WBP2NL: variants seen among roughly 807,000 people sequenced by gnomAD.
WBP2NL encodes WBP2 N-terminal like.
A neutral mutation model predicts 23.3 loss-of-function variants in WBP2NL; 27 were observed. The ratio of observed to expected loss-of-function variants is 1.16; its 90% CI spans 0.85 to 1.60. WBP2NL has a LOEUF of 1.60. Among genes scored for constraint, WBP2NL ranks in the 40% most tolerant of loss-of-function variants. The pLI is 0.00. For missense variants in WBP2NL, 370 were observed against 389.5 expected (o/e 0.95, Z 0.42); for synonymous variants, 151 against 145.9 (o/e 1.03, Z -0.25).
chr22:42,009,635 A>G (rs976187337), intron 1 of WBP2NL, among the ~76,000 whole-genome samples: 14 of 152,196 alleles, frequency 9.2e-5, no homozygotes, highest in African/African-American at 2.9e-4. Context: ...ATTCTCACAT[A>G]TATGTGAAGA....
rs1382421844 is a variant in WBP2NL at position 42,006,797 on chromosome 22, T to C, written c.62+7917T>C. Among the ~76,000 whole-genome samples the C allele has an allele frequency of 2.6e-5, 4 of 152,242 alleles. No individual in the cohort carries two copies. The East Asian group carries it at 7.7e-4, about 29-fold the overall frequency. Reference sequence around the variant, plus strand: ...TTTGACTCCTCTTGCCTATTCACAATACACAGTTGAGAAATTGATCACAGC... The same window carrying C: ...TTTGACTCCTCTTGCCTATTCACAACACACAGTTGAGAAATTGATCACAGC... On this transcript the variant is annotated intron_variant, in intron 1 of 5. Transcript: ENST00000328823.
intron 1 of WBP2NL, among the ~76,000 whole-genome samples, chr22:41,999,146 T>C (rs1447436489): frequency 6.9e-6 from 1 of 145,746 alleles, no homozygotes; most frequent in African/African-American, 2.5e-5. Flanking sequence ...CAGACGCATG[T>C]CTCCTCAGGG....
At chr22:42,022,515 A>G (rs1924070975) in intron 5 of WBP2NL, among the ~76,000 whole-genome samples, 159 bp downstream of exon 5, 1 of 152,272 alleles carries the variant, frequency 6.6e-6, no homozygotes. Context: ...ACTGAAACCC[A>G]GTGGCAAAGT....
At chr22:42,055,611 G>C (rs569077322) in intron 8 of WBP2NL, among the ~76,000 whole-genome samples, 2 of 152,104 alleles carry the variant, frequency 1.3e-5, no homozygotes, top group African/African-American at 4.8e-5. Flanking sequence ...TGTCTGTTAG[G>C]TCTAATTGGT....
At chr22:42,018,171 C>G (rs1477113546) in intron 1 of WBP2NL, among the ~76,000 whole-genome samples, 20 of 148,878 alleles carry the variant, frequency 1.3e-4, no homozygotes, top group Non-Finnish European at 2.7e-4. Context: ...AAAAAATTAG[C>G]CAGGCGTGGT....
At chr22:42,013,703 A>T (rs1236295017) in intron 1 of WBP2NL, among the ~76,000 whole-genome samples, 1 of 152,092 alleles carries the variant, frequency 6.6e-6, no homozygotes, top group Non-Finnish European at 1.5e-5. Context: ...TCGACATCCC[A>T]GGCTCAAGTG....
At chr22:42,047,083 C>T (rs769279305) in intron 8 of WBP2NL, among the ~76,000 whole-genome samples, 4 of 151,972 alleles carry the variant, frequency 2.6e-5, no homozygotes, top group Non-Finnish European at 4.4e-5. Context: ...TGAGAGACAA[C>T]ATAGCAATAT....
rs1602469157 is a variant in WBP2NL, at chr22:42,028,166, T to C, written c.*985T>C. ...TATATGTCCATTAATAGGAAATATA[T>C]GAATAGGCTATGGTATGCCCATACT... is the stretch of plus-strand genomic sequence containing the variant. On this transcript the variant is annotated 3_prime_UTR_variant, in exon 6 of 6. Transcript: ENST00000328823. 5.0e-6 allele frequency: 2 copies of C among 398,224 alleles called. No individual in the cohort carries two copies. The highest frequency in any genetic ancestry group is 2.6e-4 in the South Asian group (2 of 7,830). 24.7% of individuals were successfully genotyped at this position (398,224 alleles called of 1,614,324 possible). A position where few individuals can be genotyped will look rare whatever the true frequency, so the allele number is the denominator to read the frequency against.
At chr22:42,020,891 TATATATATATATATA>T (rs1923877539) in intron 4 of WBP2NL, among the ~76,000 whole-genome samples, 9 of 66,238 alleles carry the variant, frequency 1.4e-4, no homozygotes, top group African/African-American at 3.0e-4. Context: ...TATATATATA[TATATATATATATATA>T]TATTTTTTTT....
At chr22:42,009,645 A>G (rs1313063242) in intron 1 of WBP2NL, among the ~76,000 whole-genome samples, 1 of 152,138 alleles carries the variant, frequency 6.6e-6, no homozygotes, top group Non-Finnish European at 1.5e-5. Flanking sequence ...ATATGTGAAG[A>G]TTTGTTTCTA....
downstream of WBP2NL, among the ~76,000 whole-genome samples, chr22:42,037,799 T>C (rs1925240657): frequency 6.6e-6 from 1 of 151,976 alleles, no homozygotes; most frequent in Non-Finnish European, 1.5e-5. Flanking sequence ...AATTCATTCA[T>C]TAGTTCTACC....
chr22:42,047,410 T>C (rs1925634560), intron 8 of WBP2NL, among the ~76,000 whole-genome samples: 1 of 151,152 alleles, frequency 6.6e-6, no homozygotes, highest in Admixed American at 6.6e-5. Context: ...GCCAACATGG[T>C]GAAACCCTGT....
intron 1 of WBP2NL, among the ~76,000 whole-genome samples, chr22:42,016,537 A>G (rs193135696): frequency 6.6e-6 from 1 of 152,338 alleles, no homozygotes; most frequent in African/African-American, 2.4e-5. Flanking sequence ...AAGCTTACTT[A>G]CTGAGATTTG....
chr22:42,020,890 ATATATATATATATATATATTTTTTTTTTT>A (rs1569450010), intron 4 of WBP2NL, among the ~76,000 whole-genome samples: 2 of 48,260 alleles, frequency 4.1e-5, no homozygotes, highest in African/African-American at 1.9e-4. Context: ...ATATATATAT[ATATATATATATATATATATTTTTTTTTTT>A]TTTTTTTTTT....
downstream of WBP2NL, among the ~76,000 whole-genome samples, chr22:42,029,000 T>A (rs1924740435): frequency 6.6e-6 from 1 of 152,316 alleles, no homozygotes; most frequent in African/African-American, 2.4e-5. Flanking sequence ...GGCAGTACCA[T>A]CCCTGCTGAG....
chr22:42,025,608 G>C (rs929868724), intron 5 of WBP2NL, among the ~76,000 whole-genome samples: 2 of 152,148 alleles, frequency 1.3e-5, no homozygotes, highest in African/African-American at 4.8e-5. Context: ...TTGGCATTCT[G>C]TCAAAAATCA....
chr22:42,001,779 T>C (rs780204415), intron 1 of WBP2NL: 3 of 1,210,764 alleles, frequency 2.5e-6, no homozygotes, highest in Non-Finnish European at 3.6e-6. Context: ...TCCGTGCTCC[T>C]TGGGAATACA....
chr22:42,036,002 G>A (rs1324912492), downstream of WBP2NL, among the ~76,000 whole-genome samples: 1 of 152,036 alleles, frequency 6.6e-6, no homozygotes, highest in Non-Finnish European at 1.5e-5. Context: ...CTTTTTTAAA[G>A]GCTGAATAAT....
chr22:42,025,284 A>C (rs1247606880), intron 5 of WBP2NL, among the ~76,000 whole-genome samples: 1 of 152,244 alleles, frequency 6.6e-6, no homozygotes, highest in African/African-American at 2.4e-5. Flanking sequence ...CCCATGGCCC[A>C]GGATGGCTTT....
Sources: allele counts gnomAD v4.1 joint callset (sites outside exome capture counted in the v4.1 genomes callset), GRCh38; gene constraint gnomAD v4.1.1; transcripts MANE v1.5; gene names NCBI Gene and HGNC (gene_info 2026-07-23, HGNC 2026-07-21).